CDK5RAP2: variants seen among roughly 807,000 people sequenced by gnomAD.
CDK5RAP2 encodes the protein CDK5 regulatory subunit-associated protein 2.
In CDK5RAP2, 147 loss-of-function variants were observed where a neutral mutation model predicts 232.9. The observed-to-expected ratio is 0.63, with a 90% CI of 0.55 to 0.72. The LOEUF (loss-of-function observed/expected upper bound fraction) is 0.72. Among genes scored for constraint, CDK5RAP2 ranks in the 30% least tolerant of loss-of-function variants. CDK5RAP2 has a pLI of 0.00. For synonymous variants in CDK5RAP2, 833 were observed against 833.7 expected (o/e 1.00, Z 0.01); for missense variants, 2,195 against 2,231.5 (o/e 0.98, Z 0.33).
Position 120,580,038 on chromosome 9 carries a change from C to G in CDK5RAP2, c.-60G>C, listed in dbSNP as rs948419345. ...GCGGCGGCGCCACTAGTACCCCCCG[C>G]GATAGCGACCCGCCGGGCTCCCCAG... On this transcript the variant is annotated 5_prime_UTR_variant, in exon 1 of 38. Coordinates refer to ENST00000349780, the MANE Select transcript of CDK5RAP2 (RefSeq NM_018249.6). 15 of 1,123,196 alleles carry G rather than the reference C, an allele frequency of 1.3e-5. No individual in the cohort carries two copies. Among genetic ancestry groups the G allele is most frequent in the African/African-American group, 3.0e-5 (2 of 65,664 alleles). 69.6% of individuals were successfully genotyped at this position (1,123,196 alleles called of 1,614,324 possible). A position where few individuals can be genotyped will look rare whatever the true frequency, so the allele number is the denominator to read the frequency against.
In CDK5RAP2 at chr9:120,536,416, G is replaced by A. The variant is rs778174320; in HGVS notation, c.618C>T (p.His206=). The change falls in exon 7 of 38, where the codon CAC becomes CAT. Residue 206 remains histidine, a synonymous_variant. Transcript: ENST00000349780. ...ESKLSEMKKM[H]EGDLAMALVL... ...CCAGAGCCATCGCCAAGTCCCCCTC[G>A]TGCATCTTCTTCATCTCTGAAAGCT... is the stretch of plus-strand genomic sequence containing the variant. 1.3e-5 allele frequency: 21 copies of A among 1,613,980 alleles called. No individual in the cohort carries two copies. The highest frequency in any genetic ancestry group is 8.3e-5 in the Admixed American group (5 of 59,996).
chr9:120,532,154 G>A (rs920479104), intron 7 of CDK5RAP2, among the ~76,000 whole-genome samples: 3 of 152,058 alleles, frequency 2.0e-5, no homozygotes, highest in Admixed American at 1.3e-4. Flanking sequence ...TGATACCCAG[G>A]GCTGCCAATC....
intron 10 of CDK5RAP2, among the ~76,000 whole-genome samples, chr9:120,526,002 C>A (rs1328052524): frequency 6.6e-6 from 1 of 152,228 alleles, no homozygotes; most frequent in Admixed American, 6.5e-5. Context: ...CCAGTTTCCT[C>A]GTTAGTGTCC....
In CDK5RAP2 at chr9:120,491,355, C is replaced by T. The variant is rs754128051; in HGVS notation, c.1434G>A (p.Val478=). Residue 478 remains valine (V), a synonymous_variant, in exon 13 of 38, where the codon GTG becomes GTA. Coordinates refer to ENST00000349780, the MANE Select transcript of CDK5RAP2 (RefSeq NM_018249.6). ...TGGTACTTTCTGTTAGATGTTTGATCACTTGCTCTTGATTGTGCAATTTTT... is the reference window on the plus strand; with the variant it reads ...TGGTACTTTCTGTTAGATGTTTGATTACTTGCTCTTGATTGTGCAATTTTT... ...SNKKLHNQEQ[V]IKHLTESTNQ... is the part of the protein sequence containing the mutation. The T allele has an allele frequency of 6.2e-7, 1 of 1,613,582 alleles. No individual in the cohort carries two copies. Among genetic ancestry groups the T allele is most frequent in the African/African-American group, 1.3e-5 (1 of 75,046 alleles).
At chr9:120,511,013 G>C (rs2040055207) in intron 12 of CDK5RAP2, among the ~76,000 whole-genome samples, 1 of 152,180 alleles carries the variant, frequency 6.6e-6, no homozygotes, top group Non-Finnish European at 1.5e-5. Context: ...CTAGGTCACT[G>C]CAATCACAGG....
At chr9:120,560,032 CCGCTTCAAT>C (rs1262174379) in intron 3 of CDK5RAP2, among the ~76,000 whole-genome samples, 1 of 152,206 alleles carries the variant, frequency 6.6e-6, no homozygotes, top group African/African-American at 2.4e-5. Context: ...CTCTGGCTAT[CCGCTTCAAT>C]GGCTCACAAG....
At chr9:120,537,798 C>A (rs537975618) in intron 6 of CDK5RAP2, among the ~76,000 whole-genome samples, 1 of 152,234 alleles carries the variant, frequency 6.6e-6, no homozygotes, top group Admixed American at 6.5e-5. Context: ...AGAAGGATGT[C>A]TCACACAATG....
chr9:120,535,075 G>T (rs1324848363), intron 7 of CDK5RAP2, among the ~76,000 whole-genome samples: 1 of 152,210 alleles, frequency 6.6e-6, no homozygotes, highest in Non-Finnish European at 1.5e-5. Flanking sequence ...AAACTGAGAT[G>T]ATATATATTC....
chr9:120,502,840 G>A (rs2039637386), intron 12 of CDK5RAP2, among the ~76,000 whole-genome samples: 1 of 152,000 alleles, frequency 6.6e-6, no homozygotes, highest in African/African-American at 2.4e-5. Context: ...AGTATAGACC[G>A]CTTCTCTTAT....
intron 18 of CDK5RAP2, 49 bp downstream of exon 18, chr9:120,467,811 G>C (rs377142741): frequency 6.2e-7 from 1 of 1,602,672 alleles, no homozygotes; most frequent in Admixed American, 1.7e-5. Context: ...ATACCAAGCC[G>C]GTTGTTATAT....
At chr9:120,463,976 G>A (rs1326424847) in intron 18 of CDK5RAP2, among the ~76,000 whole-genome samples, 1 of 152,170 alleles carries the variant, frequency 6.6e-6, no homozygotes, top group Admixed American at 6.5e-5. Flanking sequence ...CAACCTCCAA[G>A]TGTCAACTGG....
chr9:120,560,876 CA>C (rs1260287231), intron 3 of CDK5RAP2, among the ~76,000 whole-genome samples: 1 of 152,098 alleles, frequency 6.6e-6, no homozygotes, highest in African/African-American at 2.4e-5. Context: ...CTTGACTTCC[CA>C]AAGTGCTGGG....
Position 120,398,981 on chromosome 9 carries a change from G to A in CDK5RAP2, c.5451+1761C>T, listed in dbSNP as rs1397078289. Among the ~76,000 whole-genome samples the A allele has an allele frequency of 2.6e-5, 4 of 152,354 alleles. No individual in the cohort carries two copies. The East Asian group carries it at 7.7e-4, about 29-fold the overall frequency. On this transcript the variant is annotated intron_variant, in intron 35 of 37. Coordinates refer to ENST00000349780, the MANE Select transcript of CDK5RAP2 (RefSeq NM_018249.6). ...CACTGTATGAAACACAGCAGTGACA[G>A]AAAAGTGGCTAGAGGCAATTTAACA... is the stretch of plus-strand genomic sequence containing the variant.
At chr9:120,497,223 AAG>A (rs2039331433) in intron 12 of CDK5RAP2, among the ~76,000 whole-genome samples, 1 of 131,888 alleles carries the variant, frequency 7.6e-6, no homozygotes, top group African/African-American at 3.5e-5. Flanking sequence ...CATGCTCGTT[AAG>A]AGTCACCACC....
At chr9:120,511,029 AAAAC>A (rs538053496) in intron 12 of CDK5RAP2, among the ~76,000 whole-genome samples, 2 of 152,234 alleles carry the variant, frequency 1.3e-5, no homozygotes, top group African/African-American at 4.8e-5. Flanking sequence ...ACAGGCAATT[AAAAC>A]AAACAAACAT....
rs182261186 is a variant in CDK5RAP2 at position 120,399,254 on chromosome 9, G to T, written c.5451+1488C>A. Among the ~76,000 whole-genome samples the T allele has an allele frequency of 2.0e-3, 308 of 152,220 alleles. 4 individuals carry two copies. The highest frequency in any genetic ancestry group is 6.6e-3 in the African/African-American group (275 of 41,520). On this transcript the variant is annotated intron_variant, in intron 35 of 37. Transcript: ENST00000349780. ...GTGTATGAGCTGTATTTCTGTCTAT[G>T]TAACAGTTACTACAATGTGCTAAGG...
In CDK5RAP2 at chr9:120,543,440, C is replaced by G. The variant is rs201232013; in HGVS notation, c.383+2274G>C. On this transcript the variant is annotated intron_variant, in intron 5 of 37. Coordinates refer to ENST00000349780, the MANE Select transcript of CDK5RAP2 (RefSeq NM_018249.6). ...TCATATTCCCTCAGACCTATACATT[C>G]TCTTCTCCTTGAACAGTTTCTCTAC... Among the ~76,000 whole-genome samples, 7 of 152,344 alleles carry G rather than the reference C, an allele frequency of 4.6e-5. No individual in the cohort carries two copies. The East Asian group carries it at 1.4e-3, about 29-fold the overall frequency.
intron 34 of CDK5RAP2, chr9:120,401,127 T>C (rs370598672): frequency 7.7e-6 from 4 of 520,138 alleles, no homozygotes; most frequent in South Asian, 6.4e-5. Flanking sequence ...CCATGGTTAA[T>C]AACCACCAGC....
At position 120,407,100 on chromosome 9, in the gene CDK5RAP2, C is replaced by G; in HGVS notation, c.4875G>C (p.Arg1625Ser). Residue 1625 changes from arginine (R) to serine (S), a missense_variant, in exon 32 of 38, where the codon AGG becomes AGC. Physicochemically the swap from Arg to Ser is moderately radical, Grantham distance 110. Coordinates refer to ENST00000349780, the MANE Select transcript of CDK5RAP2 (RefSeq NM_018249.6). ...LQSRLKEQLA[R>S]GAEKAQEGAL... ...CTCCTTCCTGTGCCTTCTCTGCCCCCCTTGCCAGCTGTTCCTTGAGCCTGC... is the reference window on the plus strand; with the variant it reads ...CTCCTTCCTGTGCCTTCTCTGCCCCGCTTGCCAGCTGTTCCTTGAGCCTGC... 6 of 1,614,124 alleles carry G rather than the reference C, an allele frequency of 3.7e-6. No individual in the cohort carries two copies. The Middle Eastern group carries it at 6.6e-4, about 178-fold the overall frequency.
Sources: gnomAD v4.1 joint callset for allele counts (sites outside exome capture counted in the v4.1 genomes callset) on GRCh38, gnomAD v4.1.1 for gene constraint, MANE v1.5 for transcripts, NCBI Gene and HGNC (gene_info 2026-07-23, HGNC 2026-07-21) for gene names.